Variants in FXN observed in about 807,000 individuals in gnomAD.
FXN encodes the protein frataxin, mitochondrial.
A neutral mutation model predicts 22.4 loss-of-function variants in FXN; 14 were observed. The ratio of observed to expected loss-of-function variants is 0.62; its 90% CI spans 0.41 to 0.98. FXN has a LOEUF of 0.98. Ranked by LOEUF, FXN falls within the 50% of genes least tolerant of loss-of-function variation. The pLI is 0.00. For missense variants in FXN, 267 were observed against 268.4 expected, an observed-to-expected ratio of 0.99 and a Z score of 0.04; for synonymous variants, 120 against 114.1, an observed-to-expected ratio of 1.05 and a Z score of -0.33.
intron 2 of FXN, among the ~76,000 whole-genome samples, chr9:69,048,748 G>A (rs1481045541): frequency 1.3e-5 from 2 of 152,080 alleles, no homozygotes; most frequent in Admixed American, 6.6e-5. Flanking sequence ...AGAAGCCACC[G>A]GTATTCAGGA....
Position 69,077,414 on chromosome 9 carries a change from A to T in FXN, c.*4652A>T, listed in dbSNP as rs184628569. The T allele has an allele frequency of 4.1e-6, 4 of 985,294 alleles. No homozygotes were observed. In the African/African-American group the frequency reaches 7.0e-5, roughly 17 times the overall value. The allele number at this position is 985,294 out of a possible 1,614,324, so 61.0% of individuals were successfully genotyped here. On this transcript the variant is annotated 3_prime_UTR_variant, in exon 5 of 5. Transcript: ENST00000484259. ...TAAGGAATGGAAGGCACCAGAACAG[A>T]TTTATTGAAATGTTTATTAGCTGAA...
intron 3 of FXN, among the ~76,000 whole-genome samples, chr9:69,063,651 G>A (rs1234181179): frequency 1.3e-5 from 2 of 151,960 alleles, no homozygotes; most frequent in Non-Finnish European, 2.9e-5. Flanking sequence ...CTACCCTCTG[G>A]AATTTCAATA....
At chr9:69,062,664 A>G (rs978650141) in intron 3 of FXN, among the ~76,000 whole-genome samples, 2 of 152,040 alleles carry the variant, frequency 1.3e-5, no homozygotes, top group African/African-American at 4.8e-5. Flanking sequence ...TTCAATTAAA[A>G]AAACATCTTT....
At chr9:69,061,262 G>A (rs1220511716) in intron 3 of FXN, among the ~76,000 whole-genome samples, 1 of 152,220 alleles carries the variant, frequency 6.6e-6, no homozygotes, top group African/African-American at 2.4e-5. Context: ...GGTGATGGAC[G>A]CAAGTGCGGA....
At chr9:69,035,969 A>AGCCGCGGGCCGCACGCCGCGG in intron 1 of FXN, 22 bp downstream of exon 1, 2 of 1,428,414 alleles carry the variant, frequency 1.4e-6, no homozygotes, top group Non-Finnish European at 9.1e-7. Context: ...CGCCGGGAAC[A>AGCCGCGGGCCGCACGCCGCGG]GCCGCGGGCC....
intron 3 of FXN, 118 bp from the exon 4 acceptor site, chr9:69,064,820 T>C (rs113752608): frequency 6.8e-5 from 48 of 709,656 alleles, no homozygotes; most frequent in African/African-American, 4.7e-4. Flanking sequence ...CTTTATGGTG[T>C]ATTTTGTGTA....
In FXN at chr9:69,074,993, A is replaced by G. The variant is rs935849573; in HGVS notation, c.*2231A>G. 3 of 985,296 alleles carry G rather than the reference A, an allele frequency of 3.0e-6. No individual in the cohort carries two copies. The African/African-American group carries it at 5.2e-5, about 17-fold the overall frequency. The allele number at this position is 985,296 out of a possible 1,614,324, so 61.0% of individuals were successfully genotyped here. On this transcript the variant is annotated 3_prime_UTR_variant, in exon 5 of 5. Transcript: ENST00000484259. The stretch of plus-strand genomic sequence containing the variant: ...TACTCCTTTATCTGGGACACAGCAC[A>G]AAAGAGGTATGCAGTGGGGCTGCTC...
chr9:69,068,753 C>T (rs1260602348), intron 4 of FXN, among the ~76,000 whole-genome samples: 1 of 152,192 alleles, frequency 6.6e-6, no homozygotes, highest in South Asian at 2.1e-4. Context: ...GCGGCCAGCA[C>T]CTCAGGCTGG....
chr9:69,053,288 G>T, intron 3 of FXN, 28 bp downstream of exon 3: 2 of 1,610,846 alleles, frequency 1.2e-6, no homozygotes, highest in Non-Finnish European at 1.7e-6. Flanking sequence ...TTATTTTTCT[G>T]TTTCCCCCTC....
rs1397157990 is a variant in FXN, at chr9:69,076,696, G to C, written c.*3934G>C. The C allele has an allele frequency of 4.1e-6, 4 of 985,288 alleles. No individual in the cohort carries two copies. The highest frequency in any genetic ancestry group is 6.2e-5 in the Admixed American group (1 of 16,256). 61.0% of individuals were successfully genotyped at this position (985,288 alleles called of 1,614,324 possible). On this transcript the variant is annotated 3_prime_UTR_variant, in exon 5 of 5. Coordinates refer to ENST00000484259, the MANE Select transcript of FXN (RefSeq NM_000144.5). ...TGGACTAACCATGCAAGGTTGCCAA[G>C]GAAAAATCGCTTTACGCTTCCAAGG... is the stretch of plus-strand genomic sequence containing the variant.
Position 69,073,003 on chromosome 9 carries a change from T to A in FXN, c.*241T>A, listed in dbSNP as rs1182889280. ...GGATTGTCGGATTTCCTCCCTCACA[T>A]GATACCCCTTATCTTTTATAATGTC... On this transcript the variant is annotated 3_prime_UTR_variant, in exon 5 of 5. Coordinates refer to ENST00000484259, the MANE Select transcript of FXN (RefSeq NM_000144.5). 2.1e-6 allele frequency: 3 copies of A among 1,423,508 alleles called. No homozygotes were observed. Among genetic ancestry groups the A allele is most frequent in the Non-Finnish European group, 2.7e-6 (3 of 1,095,308 alleles). The allele number at this position is 1,423,508 out of a possible 1,614,324, so 88.2% of individuals were successfully genotyped here. A position where few individuals can be genotyped will look rare whatever the true frequency, so the allele number is the denominator to read the frequency against.
Position 69,073,733 on chromosome 9 carries a change from C to T in FXN, c.*971C>T. ...ATGAGAGAATAGAGTATGGTTGATT[C>T]CCAGCATTCAGTGGTCCTGTCAAGC... On this transcript the variant is annotated 3_prime_UTR_variant, in exon 5 of 5. Coordinates refer to ENST00000484259, the MANE Select transcript of FXN (RefSeq NM_000144.5). 5 of 985,380 alleles carry T rather than the reference C, an allele frequency of 5.1e-6. No individual in the cohort carries two copies. Among genetic ancestry groups the T allele is most frequent in the Non-Finnish European group, 6.0e-6 (5 of 829,934 alleles). 61.0% of individuals were successfully genotyped at this position (985,380 alleles called of 1,614,324 possible). A position where few individuals can be genotyped will look rare whatever the true frequency, so the allele number is the denominator to read the frequency against.
intron 4 of FXN, among the ~76,000 whole-genome samples, chr9:69,072,344 G>A (rs1015267899): frequency 1.3e-5 from 2 of 152,208 alleles, no homozygotes; most frequent in African/African-American, 2.4e-5. Context: ...AGCAAAAGCT[G>A]GAGATCAAAG....
rs1832407465 is a variant in FXN at position 69,078,279 on chromosome 9, T to C, written c.*5517T>C. ...ACAGTTATGCAAACCGTCCAGAGCA[T>C]AGCCACCTGATCCTGCTGGGATTCC... On this transcript the variant is annotated 3_prime_UTR_variant, in exon 5 of 5. Transcript: ENST00000484259. 1 of 985,350 alleles carries C rather than the reference T, an allele frequency of 1.0e-6. No homozygotes were observed. Among genetic ancestry groups the C allele is most frequent in the Admixed American group, 6.2e-5 (1 of 16,260 alleles). 61.0% of individuals were successfully genotyped at this position (985,350 alleles called of 1,614,324 possible). A position where few individuals can be genotyped will look rare whatever the true frequency, so the allele number is the denominator to read the frequency against.
At chr9:69,045,428 T>C (rs1426077995) in intron 1 of FXN, among the ~76,000 whole-genome samples, 1 of 152,064 alleles carries the variant, frequency 6.6e-6, no homozygotes, top group Non-Finnish European at 1.5e-5. Flanking sequence ...AAACCCCGTC[T>C]CTACTAAAAA....
chr9:69,057,879 G>A lies in FXN; in HGVS notation c.384+4619G>A, dbSNP rs902212133. On this transcript the variant is annotated intron_variant, in intron 3 of 4. Transcript: ENST00000484259. ...CTGTGTTATAATTGTCTATTTACAC[G>A]TCAGCTACCACCTATAACACACTGA... Among the ~76,000 whole-genome samples the A allele has an allele frequency of 1.4e-4, 21 of 152,152 alleles. 1 individual carries two copies. The highest frequency in any genetic ancestry group is 1.2e-3 in the South Asian group (6 of 4,822).
At position 69,073,546 on chromosome 9, in the gene FXN, G is replaced by A. The variant is rs1587832853; in HGVS notation, c.*784G>A. On this transcript the variant is annotated 3_prime_UTR_variant, in exon 5 of 5. Coordinates refer to ENST00000484259, the MANE Select transcript of FXN (RefSeq NM_000144.5). The stretch of plus-strand genomic sequence containing the variant: ...GTAGCGTAACAAACAAAATCATGGA[G>A]CTGAGGAGGTGCCTTGTAAACATGA... 3.0e-6 allele frequency: 3 copies of A among 985,432 alleles called. No individual in the cohort carries two copies. Among genetic ancestry groups the A allele is most frequent in the South Asian group, 4.7e-5 (1 of 21,286 alleles). 61.0% of individuals were successfully genotyped at this position (985,432 alleles called of 1,614,324 possible).
chr9:69,043,136 C>T (rs996782574), intron 1 of FXN, among the ~76,000 whole-genome samples: 1 of 152,180 alleles, frequency 6.6e-6, no homozygotes, highest in South Asian at 2.1e-4. Context: ...ATGTGAGCTC[C>T]TCCAGGCTCA....
rs1832416124 is a variant in FXN, at chr9:69,078,751, G to GC, written c.*5991dup. On this transcript the variant is annotated 3_prime_UTR_variant, in exon 5 of 5. Transcript: ENST00000484259. ...TTTGGTCTTTATTCCCCACATCTCT[G>GC]CCTGGGGGGTAGATTCTACCCTGAA... 1.0e-6 allele frequency: 1 copy of GC among 985,438 alleles called. No homozygotes were observed. Among genetic ancestry groups the GC allele is most frequent in the Admixed American group, 6.2e-5 (1 of 16,258 alleles). The allele number at this position is 985,438 out of a possible 1,614,324, so 61.0% of individuals were successfully genotyped here.
Sources: allele counts gnomAD v4.1 joint callset (sites outside exome capture counted in the v4.1 genomes callset), GRCh38; gene constraint gnomAD v4.1.1; transcripts MANE v1.5; gene names NCBI Gene and HGNC (gene_info 2026-07-23, HGNC 2026-07-21).